Variants in C4BPB observed in about 807,000 individuals in gnomAD.
The protein encoded by C4BPB is complement component 4 binding protein beta.
Under a neutral mutation model 26.6 loss-of-function variants are expected in C4BPB, and 19 were observed. The observed-to-expected ratio is 0.71, with a 90% CI of 0.50 to 1.05. C4BPB has a LOEUF of 1.05. C4BPB is among the 50% of genes least tolerant of loss of function. C4BPB has a pLI of 0.00. For synonymous variants in C4BPB, 118 were observed against 103.5 expected, an observed-to-expected ratio of 1.14 and a Z score of -0.85; for missense variants, 282 against 302.9, an observed-to-expected ratio of 0.93 and a Z score of 0.51.
chr1:207,089,525 T>G lies in C4BPB; in HGVS notation c.-7T>G, dbSNP rs776365834. ...TTCCAGCCTGGGGAGAGGACTTTGATCACCAGATGTTTTTTTGGTGTGCGT... is the reference window on the plus strand; with the variant it reads ...TTCCAGCCTGGGGAGAGGACTTTGAGCACCAGATGTTTTTTTGGTGTGCGT... On this transcript the variant is annotated 5_prime_UTR_variant, in exon 2 of 7. Transcript: ENST00000367078. The G allele has an allele frequency of 6.2e-7, 1 of 1,613,966 alleles. No homozygotes were observed.
At position 207,091,578 on chromosome 1, in the gene C4BPB, G is replaced by A. The variant is rs1318348068; in HGVS notation, c.233-66G>A. On this transcript the variant is annotated intron_variant, in intron 3 of 6. Coordinates refer to ENST00000367078, the MANE Select transcript of C4BPB (RefSeq NM_001017365.3). ...TGTTTTCTCACTGAAGACTGAGGAG[G>A]TCTGGCCTTTGCTGTGTTGGGCTTC... 4 of 1,349,254 alleles carry A rather than the reference G, an allele frequency of 3.0e-6. No individual in the cohort carries two copies. In the African/African-American group the frequency reaches 5.8e-5, roughly 20 times the overall value. The allele number at this position is 1,349,254 out of a possible 1,614,324, so 83.6% of individuals were successfully genotyped here.
chr1:207,094,952 T>C, intron 4 of C4BPB: 1 of 198,334 alleles, frequency 5.0e-6, no homozygotes, highest in South Asian at 7.5e-5. Flanking sequence ...TTTTTTCCTG[T>C]GCTTATGTAT....
chr1:207,095,293 C>G (rs964280057), intron 4 of C4BPB: 1 of 456,692 alleles, frequency 2.2e-6, no homozygotes, highest in Non-Finnish European at 4.4e-6. Context: ...TTCCACAGTT[C>G]CACAGACTCG....
intron 4 of C4BPB, 124 bp downstream of exon 4, chr1:207,091,944 C>A: frequency 1.3e-6 from 1 of 788,464 alleles, no homozygotes; most frequent in Non-Finnish European, 1.9e-6. Flanking sequence ...TAAGATCTAG[C>A]AGACAGCCAT....
intron 4 of C4BPB, chr1:207,096,248 T>C: frequency 2.5e-6 from 1 of 395,224 alleles, no homozygotes; most frequent in Non-Finnish European, 4.6e-6. Context: ...TTCCTTGAGC[T>C]CCTGCTGTCA....
At chr1:207,095,355 G>C (rs550125686) in intron 4 of C4BPB, 41 of 456,608 alleles carry the variant, frequency 9.0e-5, no homozygotes, top group South Asian at 6.0e-4. Flanking sequence ...TTTTGAGACA[G>C]AGTCTTGCTC....
chr1:207,096,736 A>G (rs1684265567), intron 5 of C4BPB, 121 bp downstream of exon 5: 4 of 629,866 alleles, frequency 6.4e-6, no homozygotes, highest in Non-Finnish European at 1.1e-5. Flanking sequence ...TTCTAAGCTC[A>G]TTCTGATTTT....
At chr1:207,096,772 C>G (rs1343875694) in intron 5 of C4BPB, among the ~76,000 whole-genome samples, 157 bp downstream of exon 5, 1 of 152,202 alleles carries the variant, frequency 6.6e-6, no homozygotes, top group African/African-American at 2.4e-5. Context: ...CCTCTGCTAG[C>G]TCTCCTCAAT....
chr1:207,091,828 C>A lies in C4BPB; in HGVS notation c.409+8C>A, dbSNP rs79443414. The A allele has an allele frequency of 4.7e-4, 748 of 1,604,046 alleles. 2 individuals are homozygous for A. The East Asian group carries it at 7.4e-3, about 16-fold the overall frequency. On this transcript the variant is annotated splice_region_variant and intron_variant, in intron 4 of 6. Coordinates refer to ENST00000367078, the MANE Select transcript of C4BPB (RefSeq NM_001017365.3). Reference sequence around the variant, plus strand: ...TTCCCATCTGCAAAAGTAGTAAGTACAAGAGAAACCATCAAGGATCCCCAA... The same window carrying A: ...TTCCCATCTGCAAAAGTAGTAAGTAAAAGAGAAACCATCAAGGATCCCCAA...
chr1:207,090,827 G>T (rs573355715), intron 3 of C4BPB, among the ~76,000 whole-genome samples: 8 of 152,226 alleles, frequency 5.3e-5, no homozygotes, highest in Admixed American at 1.3e-4. Flanking sequence ...ACAAACGACA[G>T]AAGAGTCAAA....
intron 1 of C4BPB, chr1:207,089,279 C>T: frequency 4.6e-6 from 2 of 433,388 alleles, no homozygotes; most frequent in East Asian, 3.6e-5. Flanking sequence ...GAGTTTTAAA[C>T]CTGGCAACTC....
In C4BPB at chr1:207,099,940, G is replaced by A; in HGVS notation, c.*11G>A. 1 of 1,599,008 alleles carries A rather than the reference G, an allele frequency of 6.3e-7. No individual in the cohort carries two copies. The highest frequency in any genetic ancestry group is 8.5e-7 in the Non-Finnish European group (1 of 1,175,094). On this transcript the variant is annotated 3_prime_UTR_variant, in exon 7 of 7. Transcript: ENST00000367078. The stretch of plus-strand genomic sequence containing the variant: ...GCAAAATTGTTGTAACACTACAGCT[G>A]AGCAGATGTAATAGAAATAAACCTA...
In C4BPB at chr1:207,089,571, C is replaced by T. The variant is rs754051271; in HGVS notation, c.40C>T (p.Arg14Ter). Residue 14 changes from arginine to a stop codon, truncating the protein, a stop_gained, in exon 2 of 7, where the codon CGA becomes TGA. Transcript: ENST00000367078. LOFTEE classifies it high-confidence loss of function. ...WCACCLMVAW[R>*]VSASDAEHCP... ...TGCGTGCTGTCTTATGGTTGCGTGGCGAGTTTCTGCTTCAGATGGTACGTA... is the reference window on the plus strand; with the variant it reads ...TGCGTGCTGTCTTATGGTTGCGTGGTGAGTTTCTGCTTCAGATGGTACGTA... 1.2e-5 allele frequency: 19 copies of T among 1,613,936 alleles called. No homozygotes were observed. The highest frequency in any genetic ancestry group is 9.9e-5 in the South Asian group (9 of 91,062).
At position 207,089,512 on chromosome 1, in the gene C4BPB, G is replaced by A; in HGVS notation, c.-20G>A. 1.9e-6 allele frequency: 3 copies of A among 1,613,514 alleles called. No individual in the cohort carries two copies. Among genetic ancestry groups the A allele is most frequent in the Non-Finnish European group, 2.5e-6 (3 of 1,179,454 alleles). On this transcript the variant is annotated 5_prime_UTR_variant, in exon 2 of 7. Coordinates refer to ENST00000367078, the MANE Select transcript of C4BPB (RefSeq NM_001017365.3). Reference sequence around the variant, plus strand: ...TGAGCTGGGTGAATTCCAGCCTGGGGAGAGGACTTTGATCACCAGATGTTT... The same window carrying A: ...TGAGCTGGGTGAATTCCAGCCTGGGAAGAGGACTTTGATCACCAGATGTTT...
chr1:207,092,023 C>T (rs1043978259), intron 4 of C4BPB, among the ~76,000 whole-genome samples: 9 of 152,208 alleles, frequency 5.9e-5, no homozygotes, highest in African/African-American at 2.2e-4. Flanking sequence ...TGAACAGCAT[C>T]CAAAGCACAC....
At position 207,096,537 on chromosome 1, in the gene C4BPB, C is replaced by T. The variant is rs1046626870; in HGVS notation, c.425C>T (p.Pro142Leu). 3 of 1,606,708 alleles carry T rather than the reference C, an allele frequency of 1.9e-6. No individual in the cohort carries two copies. The African/African-American group carries it at 4.0e-5, about 22-fold the overall frequency. The change falls in exon 5 of 7, where the codon CCT (proline) becomes CTT (leucine). Residue 142 changes from proline (P) to leucine (L), a missense_variant. By Grantham distance (98) the Pro-to-Leu change is moderately conservative. Transcript: ENST00000367078. ...PICKSRDCDP[P>L]GNPVHGYFEG... Reference sequence around the variant, plus strand: ...TTTCTCTCAGGGGACTGTGACCCTCCTGGGAATCCAGTTCATGGCTATTTT... The same window carrying T: ...TTTCTCTCAGGGGACTGTGACCCTCTTGGGAATCCAGTTCATGGCTATTTT...
chr1:207,091,469 C>T (rs1684022401), intron 3 of C4BPB, among the ~76,000 whole-genome samples, 175 bp from the exon 4 acceptor site: 1 of 152,144 alleles, frequency 6.6e-6, no homozygotes, highest in Non-Finnish European at 1.5e-5. Flanking sequence ...TTAGGTCAAT[C>T]TCCTCTTTTT....
chr1:207,091,166 A>G (rs1415151553), intron 3 of C4BPB, among the ~76,000 whole-genome samples: 2 of 152,188 alleles, frequency 1.3e-5, no homozygotes, highest in African/African-American at 2.4e-5. Context: ...GCACACCGAT[A>G]TTATTATCCT....
chr1:207,091,328 A>T lies in C4BPB; in HGVS notation c.233-316A>T, dbSNP rs1232903253. 3.3e-5 allele frequency among the ~76,000 whole-genome samples: 5 copies of T among 152,312 alleles called. No individual in the cohort carries two copies. The East Asian group carries it at 9.6e-4, about 29-fold the overall frequency. On this transcript the variant is annotated intron_variant, in intron 3 of 6. Coordinates refer to ENST00000367078, the MANE Select transcript of C4BPB (RefSeq NM_001017365.3). ...AAATACTTGCTTCAAACATAGTCTC[A>T]CTATTTTGAGCCATGCTTAATATAA...
Sources: gnomAD v4.1 joint callset for allele counts (sites outside exome capture counted in the v4.1 genomes callset) on GRCh38, gnomAD v4.1.1 for gene constraint, MANE v1.5 for transcripts, NCBI Gene and HGNC (gene_info 2026-07-23, HGNC 2026-07-21) for gene names.